Variants in ARHGAP15 observed in about 807,000 individuals in gnomAD.
ARHGAP15 encodes the protein Rho GTPase activating protein 15.
ARHGAP15 carries 51 observed loss-of-function variants against 63.7 expected under a neutral mutation model. That is an observed-to-expected ratio of 0.80 (90% CI 0.64 to 1.01). The LOEUF is 1.01. Among genes scored for constraint, ARHGAP15 ranks in the 50% least tolerant of loss-of-function variants. The pLI, the probability that ARHGAP15 is intolerant of heterozygous loss-of-function variation, is 0.00. For missense variants in ARHGAP15, 560 were observed against 564.6 expected (o/e 0.99, Z 0.08); for synonymous variants, 191 against 193.8 (o/e 0.99, Z 0.12).
At chr2:143,294,640 C>T (rs934426230) in intron 6 of ARHGAP15, among the ~76,000 whole-genome samples, 4 of 152,008 alleles carry the variant, frequency 2.6e-5, no homozygotes, top group African/African-American at 7.2e-5. Flanking sequence ...TGACACACAT[C>T]ACTTCTGCTT....
chr2:143,645,862 T>C (rs1680848618), intron 12 of ARHGAP15, among the ~76,000 whole-genome samples: 1 of 152,106 alleles, frequency 6.6e-6, no homozygotes, highest in South Asian at 2.1e-4. Flanking sequence ...TAATCTCTCT[T>C]GCAGAATCTC....
At chr2:143,428,553 C>G (rs1350589669) in intron 6 of ARHGAP15, among the ~76,000 whole-genome samples, 1 of 151,812 alleles carries the variant, frequency 6.6e-6, no homozygotes, top group African/African-American at 2.4e-5. Flanking sequence ...TGACTAAATT[C>G]TCATGAGAGA....
chr2:143,723,999 G>A (rs1213798375), intron 13 of ARHGAP15, among the ~76,000 whole-genome samples: 3 of 151,990 alleles, frequency 2.0e-5, no homozygotes, highest in African/African-American at 7.2e-5. Context: ...TCACGTCTCA[G>A]CCACTGTTTT....
intron 13 of ARHGAP15, among the ~76,000 whole-genome samples, chr2:143,739,548 G>A (rs569739245): frequency 6.6e-6 from 1 of 152,224 alleles, no homozygotes; most frequent in Admixed American, 6.5e-5. Flanking sequence ...TTTGCTCAAA[G>A]CTCCAACTCT....
chr2:143,761,295 C>G (rs1686751291), intron 13 of ARHGAP15, among the ~76,000 whole-genome samples: 1 of 152,208 alleles, frequency 6.6e-6, no homozygotes, highest in African/African-American at 2.4e-5. Flanking sequence ...ATTTTGCAAG[C>G]CAGGTGTGAC....
intron 6 of ARHGAP15, among the ~76,000 whole-genome samples, chr2:143,348,500 TA>T (rs1409506422): frequency 4.6e-5 from 7 of 152,174 alleles, no homozygotes; most frequent in African/African-American, 1.7e-4. Context: ...TAATGAAGAA[TA>T]AAACCAAACA....
At chr2:143,445,427 C>T (rs1289398190) in intron 8 of ARHGAP15, among the ~76,000 whole-genome samples, 1 of 152,026 alleles carries the variant, frequency 6.6e-6, no homozygotes, top group African/African-American at 2.4e-5. Context: ...TCCCAAAGTG[C>T]TAGGATTACA....
At chr2:143,592,868 A>G (rs567357191) in intron 11 of ARHGAP15, among the ~76,000 whole-genome samples, 1 of 152,342 alleles carries the variant, frequency 6.6e-6, no homozygotes, top group South Asian at 2.1e-4. Flanking sequence ...TTGTGGGGAA[A>G]GAACCATTCG....
chr2:143,604,783 C>T (rs1040668615), intron 11 of ARHGAP15, among the ~76,000 whole-genome samples: 6 of 152,176 alleles, frequency 3.9e-5, no homozygotes, highest in Admixed American at 2.6e-4. Flanking sequence ...CCTGAAAACT[C>T]GACTCTGCGC....
intron 6 of ARHGAP15, among the ~76,000 whole-genome samples, chr2:143,423,983 A>G (rs1471812065): frequency 1.3e-5 from 2 of 152,162 alleles, no homozygotes; most frequent in African/African-American, 2.4e-5. Context: ...TAAATAATTG[A>G]GGTTTTATCC....
intron 6 of ARHGAP15, among the ~76,000 whole-genome samples, chr2:143,340,067 A>G (rs1398626844): frequency 6.6e-6 from 1 of 152,188 alleles, no homozygotes; most frequent in Non-Finnish European, 1.5e-5. Flanking sequence ...TTTAAAACAT[A>G]CTGCTCATAT....
chr2:143,346,925 C>G (rs1685327493), intron 6 of ARHGAP15, among the ~76,000 whole-genome samples: 1 of 151,972 alleles, frequency 6.6e-6, no homozygotes, highest in South Asian at 2.1e-4. Context: ...TGCAGGCTTG[C>G]TATGATCTCT....
chr2:143,537,923 T>C (rs1002136388), intron 10 of ARHGAP15, among the ~76,000 whole-genome samples: 2 of 151,872 alleles, frequency 1.3e-5, no homozygotes, highest in Non-Finnish European at 2.9e-5. Context: ...AAGAAAGTCA[T>C]TGGTAGCTTG....
chr2:143,328,204 A>G (rs1023835924), intron 6 of ARHGAP15, among the ~76,000 whole-genome samples: 2 of 152,208 alleles, frequency 1.3e-5, no homozygotes, highest in Non-Finnish European at 2.9e-5. Flanking sequence ...AAGGATCTAG[A>G]ACCAGAAATA....
chr2:143,415,686 G>A (rs990444527), intron 6 of ARHGAP15, among the ~76,000 whole-genome samples: 1 of 152,156 alleles, frequency 6.6e-6, no homozygotes, highest in Non-Finnish European at 1.5e-5. Flanking sequence ...CAAAGTTATA[G>A]CAGCACAATT....
intron 12 of ARHGAP15, among the ~76,000 whole-genome samples, chr2:143,679,773 G>A (rs911150613): frequency 6.6e-6 from 1 of 151,934 alleles, no homozygotes; most frequent in Non-Finnish European, 1.5e-5. Flanking sequence ...AGGGAATGGA[G>A]GCAGCTGTGT....
chr2:143,287,571 C>T (rs936433044), intron 6 of ARHGAP15, among the ~76,000 whole-genome samples: 2 of 151,718 alleles, frequency 1.3e-5, no homozygotes, highest in African/African-American at 2.4e-5. Flanking sequence ...TTTGGGAGGC[C>T]GAGGCAGGTG....
intron 10 of ARHGAP15, among the ~76,000 whole-genome samples, chr2:143,536,218 C>A (rs1467603252): frequency 6.6e-6 from 1 of 152,126 alleles, no homozygotes; most frequent in East Asian, 1.9e-4. Flanking sequence ...CTAATCATAC[C>A]AGCCTCTAGT....
At position 143,233,632 on chromosome 2, in the gene ARHGAP15, T is replaced by C. The variant is rs894928409; in HGVS notation, c.384+4964T>C. ...GCTGTCATTAATATATTTCAAAAAATTTCCAATAGCTATCTTTTTTTTTTT... is the reference window on the plus strand; with the variant it reads ...GCTGTCATTAATATATTTCAAAAAACTTCCAATAGCTATCTTTTTTTTTTT... On this transcript the variant is annotated intron_variant, in intron 5 of 13. Coordinates refer to ENST00000295095, the MANE Select transcript of ARHGAP15 (RefSeq NM_018460.4). Among the ~76,000 whole-genome samples, 5 of 151,706 alleles carry C rather than the reference T, an allele frequency of 3.3e-5. No individual in the cohort carries two copies. The South Asian group carries it at 8.3e-4, about 25-fold the overall frequency.
Sources: gnomAD v4.1 joint callset for allele counts (sites outside exome capture counted in the v4.1 genomes callset) on GRCh38, gnomAD v4.1.1 for gene constraint, MANE v1.5 for transcripts, NCBI Gene and HGNC (gene_info 2026-07-23, HGNC 2026-07-21) for gene names.